UGGT2: variants seen among roughly 807,000 people sequenced by gnomAD.
UGGT2 encodes UDP-glucose:glycoprotein glucosyltransferase 2.
A neutral mutation model predicts 192.1 loss-of-function variants in UGGT2; 180 were observed. That is an observed-to-expected ratio of 0.94 (90% CI 0.83 to 1.06). UGGT2 has a LOEUF of 1.06. Among genes scored for constraint, UGGT2 ranks in the 50% least tolerant of loss-of-function variants. The pLI, the probability that UGGT2 is intolerant of heterozygous loss-of-function variation, is 0.00. For synonymous variants in UGGT2, 580 were observed against 591.0 expected, an observed-to-expected ratio of 0.98 and a Z score of 0.27; for missense variants, 1,849 against 1,795.7, an observed-to-expected ratio of 1.03 and a Z score of -0.54.
chr13:95,808,832 TAC>T (rs1884444991), intron 38 of UGGT2, among the ~76,000 whole-genome samples: 1 of 152,212 alleles, frequency 6.6e-6, no homozygotes, highest in African/African-American at 2.4e-5. Flanking sequence ...CTAAATATGT[TAC>T]AGAGTGCACA....
At chr13:95,870,084 G>C (rs973825972) in intron 29 of UGGT2, among the ~76,000 whole-genome samples, 1 of 152,162 alleles carries the variant, frequency 6.6e-6, no homozygotes, top group African/African-American at 2.4e-5. Context: ...TTATAATGCT[G>C]TTATTCAATA....
intron 20 of UGGT2, among the ~76,000 whole-genome samples, chr13:95,908,374 G>A (rs1437253309): frequency 3.3e-5 from 5 of 152,112 alleles, no homozygotes; most frequent in Non-Finnish European, 7.4e-5. Flanking sequence ...GCAGGCCAAT[G>A]TTCAAATTCA....
chr13:95,908,736 A>T (rs2140326062), intron 20 of UGGT2, among the ~76,000 whole-genome samples: 1 of 141,494 alleles, frequency 7.1e-6, no homozygotes, highest in Non-Finnish European at 1.5e-5. Flanking sequence ...TTGGCTGCAT[A>T]AATGTCTTCT....
At chr13:95,803,205 G>C (rs1884147029) in intron 38 of UGGT2, among the ~76,000 whole-genome samples, 1 of 152,162 alleles carries the variant, frequency 6.6e-6, no homozygotes, top group Non-Finnish European at 1.5e-5. Context: ...AATTTTGAGA[G>C]AGACAAAGAG....
intron 24 of UGGT2, among the ~76,000 whole-genome samples, chr13:95,893,398 T>C (rs2140245894): frequency 6.6e-6 from 1 of 152,292 alleles, no homozygotes; most frequent in South Asian, 2.1e-4. Context: ...AATATTTTTA[T>C]GTGATTTTAG....
chr13:95,826,202 C>G (rs1464564956), intron 38 of UGGT2, among the ~76,000 whole-genome samples: 1 of 151,970 alleles, frequency 6.6e-6, no homozygotes, highest in Non-Finnish European at 1.5e-5. Flanking sequence ...AAATAGGAAT[C>G]AATGGTTATT....
In UGGT2 at chr13:95,887,965, C is replaced by T; in HGVS notation, c.2965G>A (p.Gly989Ser). 1 of 1,596,554 alleles carries T rather than the reference C, an allele frequency of 6.3e-7. No homozygotes were observed. The highest frequency in any genetic ancestry group is 1.1e-5 in the South Asian group (1 of 87,000). The change falls in exon 26 of 39, where the codon GGC becomes AGC. Residue 989 changes from glycine to serine, a missense_variant. Physicochemically the swap from Gly to Ser is moderately conservative, Grantham distance 56. Coordinates refer to ENST00000376747, the MANE Select transcript of UGGT2 (RefSeq NM_020121.4). ...QKMAQLLVVLGKIINMKIKLF... is the reference protein window; with the variant it reads ...QKMAQLLVVLSKIINMKIKLF... ...TTTATCTTCATGTTGATAATCTTGCCAAGTACCTATTGGAAAGAAATTCCC... is the reference window on the plus strand; with the variant it reads ...TTTATCTTCATGTTGATAATCTTGCTAAGTACCTATTGGAAAGAAATTCCC...
At chr13:95,944,312 C>T (rs2049792482) in intron 15 of UGGT2, among the ~76,000 whole-genome samples, 1 of 151,978 alleles carries the variant, frequency 6.6e-6, no homozygotes, top group Non-Finnish European at 1.5e-5. Flanking sequence ...ATTTTAAAGA[C>T]TGAAATTATT....
At chr13:96,003,877 A>G (rs570496823) in intron 5 of UGGT2, among the ~76,000 whole-genome samples, 1 of 152,314 alleles carries the variant, frequency 6.6e-6, no homozygotes, top group South Asian at 2.1e-4. Context: ...AATTTTGAGA[A>G]GATTTGTTAC....
chr13:96,044,688 T>C (rs1346934613), intron 1 of UGGT2, among the ~76,000 whole-genome samples: 1 of 151,902 alleles, frequency 6.6e-6, no homozygotes, highest in Non-Finnish European at 1.5e-5. Context: ...ACCACAGAAA[T>C]ACAAAAGATC....
At chr13:95,849,926 G>T (rs1327164120) in intron 36 of UGGT2, among the ~76,000 whole-genome samples, 2 of 143,702 alleles carry the variant, frequency 1.4e-5, no homozygotes, top group African/African-American at 2.5e-5. Context: ...ACTGTTTTTT[G>T]TTTTTTTTTT....
At chr13:95,848,743 T>G (rs1249293016) in intron 36 of UGGT2, among the ~76,000 whole-genome samples, 1 of 152,202 alleles carries the variant, frequency 6.6e-6, no homozygotes, top group Admixed American at 6.5e-5. Context: ...CAATATGGTG[T>G]TGGTTATTCT....
intron 38 of UGGT2, among the ~76,000 whole-genome samples, chr13:95,821,312 G>A (rs923255081): frequency 6.6e-6 from 1 of 152,092 alleles, no homozygotes; most frequent in African/African-American, 2.4e-5. Context: ...TCTCATTGTG[G>A]TTTTAACTTG....
intron 17 of UGGT2, among the ~76,000 whole-genome samples, chr13:95,931,464 G>A (rs1166567514): frequency 6.6e-6 from 1 of 152,084 alleles, no homozygotes; most frequent in Non-Finnish European, 1.5e-5. Context: ...AGCGGTCAAT[G>A]GGACTGGGCG....
At chr13:95,996,305 C>G (rs997592009) in intron 6 of UGGT2, among the ~76,000 whole-genome samples, 170 bp from the exon 7 acceptor site, 4 of 152,024 alleles carry the variant, frequency 2.6e-5, no homozygotes, top group African/African-American at 9.7e-5. Flanking sequence ...AGTTCAAGAC[C>G]AGCCTGACCA....
chr13:95,858,903 C>G (rs971259119), intron 33 of UGGT2, among the ~76,000 whole-genome samples: 1 of 152,130 alleles, frequency 6.6e-6, no homozygotes, highest in Non-Finnish European at 1.5e-5. Flanking sequence ...GCATGCTTGG[C>G]TAGTTTTACT....
intron 30 of UGGT2, among the ~76,000 whole-genome samples, chr13:95,865,362 C>T (rs1261431083): frequency 1.3e-5 from 2 of 152,060 alleles, no homozygotes; most frequent in African/African-American, 2.4e-5. Flanking sequence ...AAACTGAAGG[C>T]GGCCGAGCAT....
chr13:95,841,697 G>T (rs1442812136), intron 36 of UGGT2, among the ~76,000 whole-genome samples: 1 of 152,032 alleles, frequency 6.6e-6, no homozygotes, highest in African/African-American at 2.4e-5. Flanking sequence ...TTTAAATTTT[G>T]ATGCTAATTT....
chr13:95,903,352 T>A (rs560760516), intron 20 of UGGT2, among the ~76,000 whole-genome samples: 4 of 152,174 alleles, frequency 2.6e-5, no homozygotes, highest in East Asian at 1.9e-4. Flanking sequence ...AAACAAAATG[T>A]AGAGCTCAGT....
Sources: gnomAD v4.1 joint callset for allele counts (sites outside exome capture counted in the v4.1 genomes callset) on GRCh38, gnomAD v4.1.1 for gene constraint, MANE v1.5 for transcripts, NCBI Gene and HGNC (gene_info 2026-07-23, HGNC 2026-07-21) for gene names.